FAM135A: variants seen among roughly 807,000 people sequenced by gnomAD.
The protein encoded by FAM135A is protein FAM135A.
FAM135A carries 79 observed loss-of-function variants against 146.8 expected under a neutral mutation model. The observed-to-expected ratio is 0.54, with a 90% CI of 0.45 to 0.65. The LOEUF (loss-of-function observed/expected upper bound fraction) is 0.65, where lower values mean the gene tolerates loss of function less well. FAM135A is among the 30% of genes least tolerant of loss of function. The pLI is 0.00. For missense variants in FAM135A, 1,623 were observed against 1,758.2 expected (o/e 0.92, Z 1.38); for synonymous variants, 562 against 603.6 (o/e 0.93, Z 1.01).
intron 4 of FAM135A, among the ~76,000 whole-genome samples, chr6:70,433,389 A>C (rs988221085): frequency 6.6e-5 from 10 of 152,126 alleles, no homozygotes; most frequent in African/African-American, 2.2e-4. Flanking sequence ...GATACTTTTT[A>C]ACATGAAAGG....
At chr6:70,455,381 TACAC>T (rs34915267) in intron 5 of FAM135A, among the ~76,000 whole-genome samples, 27,190 of 146,004 alleles carry the variant, frequency 0.19, 2,652 homozygotes, top group African/African-American at 0.25. Flanking sequence ...TTATGACAAA[TACAC>T]ACACACACAC....
At chr6:70,465,532 A>T (rs1780286891) in intron 5 of FAM135A, among the ~76,000 whole-genome samples, 1 of 151,912 alleles carries the variant, frequency 6.6e-6, no homozygotes, top group South Asian at 2.1e-4. Context: ...TAGTCCTCCT[A>T]CCTCAGCCCC....
intron 5 of FAM135A, among the ~76,000 whole-genome samples, chr6:70,469,943 A>G (rs1228315726): frequency 6.6e-6 from 1 of 152,118 alleles, no homozygotes; most frequent in Non-Finnish European, 1.5e-5. Flanking sequence ...CTGAGCCAAG[A>G]TAAGTGCCAC....
At chr6:70,457,974 T>C (rs561420998) in intron 5 of FAM135A, among the ~76,000 whole-genome samples, 1 of 152,240 alleles carries the variant, frequency 6.6e-6, no homozygotes, top group Admixed American at 6.5e-5. Context: ...TGAAATGTAG[T>C]GATCTGATAG....
Position 70,533,267 on chromosome 6 carries a change from G to A in FAM135A, c.3867+16G>A. The A allele has an allele frequency of 6.3e-7, 1 of 1,591,054 alleles. No homozygotes were observed. Among genetic ancestry groups the A allele is most frequent in the Non-Finnish European group, 8.6e-7 (1 of 1,167,216 alleles). On this transcript the variant is annotated intron_variant, in intron 17 of 21. Coordinates refer to ENST00000418814, the MANE Select transcript of FAM135A (RefSeq NM_001162529.3). ...GAGAAATCAGGTACAATATGACAGT[G>A]TTTTCAGTGAAAACAAACATTTTTG...
At chr6:70,426,079 T>C (rs963499636) in intron 2 of FAM135A, among the ~76,000 whole-genome samples, 1 of 149,264 alleles carries the variant, frequency 6.7e-6, no homozygotes, top group Non-Finnish European at 1.5e-5. Context: ...GTCCGCAGTC[T>C]GGCCTGGGCG....
intron 20 of FAM135A, among the ~76,000 whole-genome samples, chr6:70,548,431 A>G (rs1287302280): frequency 2.6e-5 from 4 of 152,192 alleles, no homozygotes; most frequent in Non-Finnish European, 5.9e-5. Context: ...TTTTAAATTT[A>G]TTTTATCATC....
At chr6:70,501,691 G>A (rs78412987) in intron 11 of FAM135A, among the ~76,000 whole-genome samples, 3,468 of 152,318 alleles carry the variant, frequency 0.023, 105 homozygotes, top group East Asian at 0.079. Context: ...TGATCTGACC[G>A]GGTAGCACAG....
chr6:70,510,522 A>G (rs1002856965), intron 12 of FAM135A, among the ~76,000 whole-genome samples: 1 of 152,062 alleles, frequency 6.6e-6, no homozygotes, highest in African/African-American at 2.4e-5. Flanking sequence ...TATAAATGTA[A>G]TCATACAACA....
intron 7 of FAM135A, among the ~76,000 whole-genome samples, chr6:70,476,578 T>A (rs7752409): frequency 0.27 from 41,258 of 151,910 alleles, 7,266 homozygotes; most frequent in African/African-American, 0.5. Context: ...ACCTGTAGAT[T>A]GTTAAAATGG....
chr6:70,553,015 A>G (rs991589099), intron 20 of FAM135A, among the ~76,000 whole-genome samples: 1 of 152,116 alleles, frequency 6.6e-6, no homozygotes, highest in African/African-American at 2.4e-5. Context: ...CTTTTTTTCA[A>G]TATAGAGCAC....
chr6:70,428,208 A>G (rs1380848383), intron 3 of FAM135A, 96 bp from the exon 4 acceptor site: 3 of 554,006 alleles, frequency 5.4e-6, no homozygotes, highest in Non-Finnish European at 9.2e-6. Context: ...TTTTCTGCCT[A>G]TGTGTCATAT....
chr6:70,547,433 T>C (rs1799051684), intron 20 of FAM135A, among the ~76,000 whole-genome samples: 1 of 152,210 alleles, frequency 6.6e-6, no homozygotes, highest in Non-Finnish European at 1.5e-5. Context: ...ATTGATATTC[T>C]GGGCTGGAGA....
intron 4 of FAM135A, among the ~76,000 whole-genome samples, chr6:70,430,108 G>A (rs183778676): frequency 3.3e-4 from 50 of 152,088 alleles, no homozygotes; most frequent in South Asian, 4.2e-4. Flanking sequence ...AGGCCAAGGC[G>A]GGCAGATCAC....
Position 70,508,303 on chromosome 6 carries a change from A to G in FAM135A, c.1029+5512A>G, listed in dbSNP as rs576685226. ...AAGACAGTCAGGATTTCTGCTCACAAGCCTTTCAGAAATGCAAGAGACACA... is the reference window on the plus strand; with the variant it reads ...AAGACAGTCAGGATTTCTGCTCACAGGCCTTTCAGAAATGCAAGAGACACA... On this transcript the variant is annotated intron_variant, in intron 12 of 21. Transcript: ENST00000418814. 2.8e-4 allele frequency among the ~76,000 whole-genome samples: 42 copies of G among 152,286 alleles called. No individual in the cohort carries two copies. In the South Asian group the frequency reaches 8.7e-3, roughly 32 times the overall value.
chr6:70,527,802 GA>G (rs1247391671), intron 15 of FAM135A, among the ~76,000 whole-genome samples: 1 of 152,048 alleles, frequency 6.6e-6, no homozygotes, highest in Admixed American at 6.6e-5. Flanking sequence ...TATTTTTAGA[GA>G]AAAATACAAA....
intron 15 of FAM135A, 36 bp from the exon 16 acceptor site, chr6:70,528,256 T>A: frequency 6.4e-7 from 1 of 1,561,392 alleles, no homozygotes. Flanking sequence ...CTGAATATGA[T>A]CCTTAGTAAA....
chr6:70,426,868 A>G (rs1445596677), intron 3 of FAM135A: 1 of 152,232 alleles, frequency 6.6e-6, no homozygotes, highest in East Asian at 1.9e-4. Flanking sequence ...GGGAGGCTTT[A>G]TCTGTATTAT....
At chr6:70,511,106 T>C (rs944196661) in intron 12 of FAM135A, among the ~76,000 whole-genome samples, 7 of 152,062 alleles carry the variant, frequency 4.6e-5, no homozygotes, top group Admixed American at 3.3e-4. Flanking sequence ...ATTCAGGTCC[T>C]TTCCCCATAT....
Sources: gnomAD v4.1 joint callset for allele counts (sites outside exome capture counted in the v4.1 genomes callset) on GRCh38, gnomAD v4.1.1 for gene constraint, MANE v1.5 for transcripts, NCBI Gene and HGNC (gene_info 2026-07-23, HGNC 2026-07-21) for gene names.